The following SCNN1B variants were observed in gnomAD, a reference collection of about 807,000 sequenced individuals.
SCNN1B encodes the protein epithelial sodium channel subunit beta.
Under a neutral mutation model 65.3 loss-of-function variants are expected in SCNN1B, and 46 were observed. The ratio of observed to expected loss-of-function variants is 0.70; its 90% CI spans 0.56 to 0.90. The LOEUF is 0.90. Ranked by LOEUF, SCNN1B falls within the 40% of genes least tolerant of loss-of-function variation. SCNN1B has a pLI of 0.00. For synonymous variants in SCNN1B, 349 were observed against 330.6 expected, an observed-to-expected ratio of 1.06 and a Z score of -0.60; for missense variants, 751 against 830.5, an observed-to-expected ratio of 0.90 and a Z score of 1.18.
Position 23,348,070 on chromosome 16 carries a change from C to T in SCNN1B, c.-8-522C>T, listed in dbSNP as rs1962224753. On this transcript the variant is annotated intron_variant, in intron 1 of 12. Transcript: ENST00000343070. The surrounding 1 kb of genome is among the most constrained non-coding windows in gnomAD (Gnocchi z 4.5). ...CACATTCCATTGCAGAGCACTCACA[C>T]ACAGTCACACTCACTCACCTGGGAC... Among the ~76,000 whole-genome samples the T allele has an allele frequency of 1.3e-5, 2 of 152,184 alleles. No homozygotes were observed. Among genetic ancestry groups the T allele is most frequent in the African/African-American group, 4.8e-5 (2 of 41,438 alleles).
chr16:23,343,630 AG>A (rs1194795344), intron 1 of SCNN1B, among the ~76,000 whole-genome samples: 4 of 135,954 alleles, frequency 2.9e-5, no homozygotes, highest in African/African-American at 1.2e-4. Context: ...AAAGAAAGAA[AG>A]AAAGAAAGAA....
At chr16:23,354,563 C>A (rs1287103851) in intron 3 of SCNN1B, among the ~76,000 whole-genome samples, 2 of 152,232 alleles carry the variant, frequency 1.3e-5, no homozygotes, top group Non-Finnish European at 2.9e-5. Context: ...CTGTGGTGGG[C>A]TCAGTGTGAC....
At chr16:23,367,516 T>C (rs2142035540) in intron 4 of SCNN1B, among the ~76,000 whole-genome samples, 1 of 152,332 alleles carries the variant, frequency 6.6e-6, no homozygotes, top group African/African-American at 2.4e-5. Context: ...CAACCTGGTC[T>C]CAAACTCCTG....
intron 1 of SCNN1B, among the ~76,000 whole-genome samples, chr16:23,303,299 G>A (rs1455262402): frequency 6.6e-6 from 1 of 152,116 alleles, no homozygotes; most frequent in Non-Finnish European, 1.5e-5. Context: ...CAGGGAGTAG[G>A]GGCAGAACAA....
chr16:23,357,337 C>T (rs897506266), intron 4 of SCNN1B, among the ~76,000 whole-genome samples: 3 of 152,386 alleles, frequency 2.0e-5, no homozygotes, highest in East Asian at 1.9e-4. Flanking sequence ...AAGCCCAACA[C>T]TTTGGGAGGC....
At chr16:23,326,717 C>T (rs763525141) in intron 1 of SCNN1B, among the ~76,000 whole-genome samples, 1 of 152,108 alleles carries the variant, frequency 6.6e-6, no homozygotes, top group Non-Finnish European at 1.5e-5. Flanking sequence ...ATCCACCTGC[C>T]TCAGCCTCCC....
rs145501957 is a variant in SCNN1B at position 23,348,396 on chromosome 16, T to G, written c.-8-196T>G. ...ATTCAATAAATGCATTTTGGTTGAT[T>G]AGATGGATGGATGGATTGATGACAG... On this transcript the variant is annotated intron_variant, in intron 1 of 12. Transcript: ENST00000343070. This position sits in a 1 kb window ranked among gnomAD's most constrained non-coding sequence, Gnocchi z 4.5. Among the ~76,000 whole-genome samples the G allele has an allele frequency of 7.3e-6, 1 of 136,672 alleles. No homozygotes were observed. Among genetic ancestry groups the G allele is most frequent in the Non-Finnish European group, 1.5e-5 (1 of 66,618 alleles). 89.7% of individuals were successfully genotyped at this position (136,672 alleles called of 152,430 possible). A position where few individuals can be genotyped will look rare whatever the true frequency, so the allele number is the denominator to read the frequency against.
chr16:23,373,517 C>T (rs1209893379), intron 7 of SCNN1B, among the ~76,000 whole-genome samples: 2 of 152,196 alleles, frequency 1.3e-5, no homozygotes, highest in African/African-American at 4.8e-5. Flanking sequence ...CCCAGACCTG[C>T]CACTAGTCCT....
chr16:23,307,240 A>G (rs1961238323), intron 1 of SCNN1B, among the ~76,000 whole-genome samples: 1 of 151,776 alleles, frequency 6.6e-6, no homozygotes, highest in East Asian at 1.9e-4. Context: ...CCTAGCATAG[A>G]ATCTAGCACA....
At chr16:23,295,972 G>A (rs935188641) in intron 2 of SCNN1B, among the ~76,000 whole-genome samples, 7 of 152,238 alleles carry the variant, frequency 4.6e-5, no homozygotes, top group African/African-American at 1.7e-4. Context: ...GCTGCCAGGT[G>A]AGTCCTGAGC....
intron 4 of SCNN1B, among the ~76,000 whole-genome samples, chr16:23,357,216 T>C (rs982133734): frequency 6.6e-6 from 1 of 152,224 alleles, no homozygotes; most frequent in African/African-American, 2.4e-5. Flanking sequence ...TGCAGGCAGC[T>C]CTCTGAACTC....
intron 1 of SCNN1B, chr16:23,303,909 A>T (rs1228109902): frequency 7.1e-6 from 5 of 704,922 alleles, no homozygotes; most frequent in Non-Finnish European, 1.3e-5. Context: ...AAAGAGCAAG[A>T]CTCTGTTTCA....
Position 23,352,794 on chromosome 16 carries a change from C to G in SCNN1B, c.312-7C>G. The G allele has an allele frequency of 1.2e-6, 2 of 1,614,154 alleles. No homozygotes were observed. Among genetic ancestry groups the G allele is most frequent in the Non-Finnish European group, 1.7e-6 (2 of 1,180,032 alleles). The stretch of plus-strand genomic sequence containing the variant: ...CCTTCCCCCTAACCAGCCCTCTCCC[C>G]ATCCAGGTATTCCAAAATCAAGCAT... On this transcript the variant is annotated splice_region_variant and splice_polypyrimidine_tract_variant and intron_variant, in intron 2 of 12. Transcript: ENST00000343070.
intron 2 of SCNN1B, among the ~76,000 whole-genome samples, chr16:23,285,419 G>T (rs1779181591): frequency 1.3e-5 from 2 of 152,020 alleles, no homozygotes; most frequent in African/African-American, 4.8e-5. Flanking sequence ...TGATCCTTCT[G>T]CCTCAGGCTC....
At chr16:23,349,621 C>T (rs1962265961) in intron 2 of SCNN1B, among the ~76,000 whole-genome samples, 1 of 152,234 alleles carries the variant, frequency 6.6e-6, no homozygotes, top group Non-Finnish European at 1.5e-5. Context: ...AGGCCAGTGC[C>T]TATTTATCGA....
At chr16:23,291,897 T>C (rs375837324) in intron 2 of SCNN1B, among the ~76,000 whole-genome samples, 1 of 152,006 alleles carries the variant, frequency 6.6e-6, no homozygotes, top group African/African-American at 2.4e-5. Context: ...TCTGCATTTA[T>C]ATAAATAAAT....
At chr16:23,337,846 C>G (rs1211270603) in intron 1 of SCNN1B, among the ~76,000 whole-genome samples, 1 of 152,036 alleles carries the variant, frequency 6.6e-6, no homozygotes, top group African/African-American at 2.4e-5. Context: ...GCAGGAGGAT[C>G]ACTTGAACCC....
At position 23,302,309 on chromosome 16, in the gene SCNN1B, C is replaced by A; in HGVS notation, c.-137C>A. 1 of 153,880 alleles carries A rather than the reference C, an allele frequency of 6.5e-6. No homozygotes were observed. Among genetic ancestry groups the A allele is most frequent in the South Asian group, 1.9e-4 (1 of 5,228 alleles). 9.5% of individuals were successfully genotyped at this position (153,880 alleles called of 1,614,324 possible). A position where few individuals can be genotyped will look rare whatever the true frequency, so the allele number is the denominator to read the frequency against. ...CTGAACCTGCTCCCTCCCAGTCGGT[C>A]TCGCCGCGCTCGCCGGGTGTCCCAG... On this transcript the variant is annotated 5_prime_UTR_variant, in exon 1 of 13. Transcript: ENST00000343070.
rs1961102542 is a variant in SCNN1B, at chr16:23,302,355, C to T, written c.-91C>T. On this transcript the variant is annotated 5_prime_UTR_variant, in exon 1 of 13. Coordinates refer to ENST00000343070, the MANE Select transcript of SCNN1B (RefSeq NM_000336.3). Reference sequence around the variant, plus strand: ...CCCAGTGTCACCAACACTCGGCCGCCGCCGCCAGCTTGGCGCGCACCGCCG... The same window carrying T: ...CCCAGTGTCACCAACACTCGGCCGCTGCCGCCAGCTTGGCGCGCACCGCCG... 1 of 159,662 alleles carries T rather than the reference C, an allele frequency of 6.3e-6. No homozygotes were observed. The highest frequency in any genetic ancestry group is 1.4e-5 in the Non-Finnish European group (1 of 73,302). The allele number at this position is 159,662 out of a possible 1,614,324, so 9.9% of individuals were successfully genotyped here. A position where few individuals can be genotyped will look rare whatever the true frequency, so the allele number is the denominator to read the frequency against.
Sources: gnomAD v4.1 joint callset for allele counts (sites outside exome capture counted in the v4.1 genomes callset) on GRCh38, gnomAD v4.1.1 for gene constraint, Gnocchi (gnomAD v3.1) non-coding constraint, MANE v1.5 for transcripts, NCBI Gene and HGNC (gene_info 2026-07-23, HGNC 2026-07-21) for gene names.